The following SPATA1 variants were observed in gnomAD, a reference collection of about 807,000 sequenced individuals.
The protein encoded by SPATA1 is spermatogenesis-associated protein 1.
In SPATA1, 57 loss-of-function variants were observed where a neutral mutation model predicts 59.6. That is an observed-to-expected ratio of 0.96 (90% CI 0.77 to 1.19). SPATA1 has a LOEUF of 1.19. Ranked by LOEUF, SPATA1 falls within the 50% of genes most tolerant of loss-of-function variation. The probability of loss-of-function intolerance (pLI) is 0.00; values close to 1 mark genes in which losing one functional copy is unlikely to be tolerated. For synonymous variants in SPATA1, 147 were observed against 163.9 expected, an observed-to-expected ratio of 0.90 and a Z score of 0.79; for missense variants, 448 against 480.7, an observed-to-expected ratio of 0.93 and a Z score of 0.64.
chr1:84,520,348 G>A, intron 2 of SPATA1: 1 of 387,528 alleles, frequency 2.6e-6, no homozygotes, highest in East Asian at 5.0e-5. Context: ...AAGATGTTGA[G>A]CTAATCTCAT....
At position 84,553,075 on chromosome 1, in the gene SPATA1, CTG is replaced by C. The variant is rs1558618819; in HGVS notation, c.1266_1267del (p.Glu423ThrfsTer20). 2.0e-6 allele frequency: 3 copies of C among 1,528,754 alleles called. No homozygotes were observed. The highest frequency in any genetic ancestry group is 2.8e-5 in the African/African-American group (2 of 71,436). The allele number at this position is 1,528,754 out of a possible 1,614,324, so 94.7% of individuals were successfully genotyped here. A position where few individuals can be genotyped will look rare whatever the true frequency, so the allele number is the denominator to read the frequency against. On this transcript the variant is annotated frameshift_variant, in exon 13 of 13. Coordinates refer to ENST00000490879, the Ensembl canonical transcript of SPATA1. LOFTEE classifies it low-confidence loss of function (END_TRUNC). Reference sequence around the variant, plus strand: ...GTTTCAGATTTACGAACATTGAAAACTGAACTGGCACAGAAAAAAAAAATAAT... The same window carrying C: ...GTTTCAGATTTACGAACATTGAAAACAACTGGCACAGAAAAAAAAAATAAT...
intron 6 of SPATA1, among the ~76,000 whole-genome samples, chr1:84,526,772 G>T (rs1490212032): frequency 6.6e-6 from 1 of 150,648 alleles, no homozygotes; most frequent in East Asian, 2.0e-4. Context: ...GGAGACTGAA[G>T]CAGGAGGATT....
rs758634923 is a variant in SPATA1, at chr1:84,563,279, C to T, written n.443-2582C>T. The T allele has an allele frequency of 2.0e-5, 32 of 1,563,488 alleles. No individual in the cohort carries two copies. In the Middle Eastern group the frequency reaches 5.6e-4, roughly 27 times the overall value. On this transcript the variant is annotated intron_variant and non_coding_transcript_variant, in intron 4 of 4. Coordinates refer to the SPATA1 transcript ENST00000460286. ...TACTTTATAGTTATAATAAGGAGCC[C>T]GCTGATCTTTATCCCATAGGTTTCC...
At chr1:84,555,095 C>A, downstream of SPATA1, 1 of 1,613,904 alleles carries the variant, frequency 6.2e-7, no homozygotes, top group African/African-American at 1.3e-5. Context: ...AGTTTGCATT[C>A]CACATGCCAA....
intron 1 of SPATA1, among the ~76,000 whole-genome samples, chr1:84,509,295 A>G (rs1682430331): frequency 6.6e-6 from 1 of 152,148 alleles, no homozygotes; most frequent in African/African-American, 2.4e-5. Flanking sequence ...TTTTTTACGA[A>G]GGTGCCAAGA....
chr1:84,545,895 G>C (rs564936804), intron 10 of SPATA1, 136 bp downstream of exon 10: 2 of 564,894 alleles, frequency 3.5e-6, no homozygotes, highest in East Asian at 7.8e-5. Flanking sequence ...ACATGATTAA[G>C]TTCAATATAG....
intron 1 of SPATA1, among the ~76,000 whole-genome samples, chr1:84,512,415 T>C (rs761302403): frequency 4.6e-5 from 7 of 152,248 alleles, no homozygotes; most frequent in Non-Finnish European, 7.3e-5. Flanking sequence ...GATTACCTTG[T>C]GTGAGATTCT....
chr1:84,535,195 A>AT (rs963249501), intron 8 of SPATA1, among the ~76,000 whole-genome samples: 6 of 152,068 alleles, frequency 3.9e-5, no homozygotes, highest in African/African-American at 9.6e-5. Flanking sequence ...CTGCTCAATG[A>AT]TTTTTTTTAA....
At chr1:84,525,907 A>G (rs1167286639) in exon 6 of SPATA1, 1 of 1,613,798 alleles carries the variant, frequency 6.2e-7, no homozygotes, top group Non-Finnish European at 8.5e-7. Flanking sequence ...TTTATTCACC[A>G]TCAACAGTTA....
chr1:84,516,430 G>T, intron 2 of SPATA1, 35 bp downstream of exon 2: 1 of 1,258,488 alleles, frequency 7.9e-7, no homozygotes, highest in East Asian at 2.8e-5. Flanking sequence ...ATATAAGAAA[G>T]ACCTGCTTAT....
In SPATA1 at chr1:84,550,532, T is replaced by C. The variant is rs1684238848; in HGVS notation, c.1224+2T>C. The C allele has an allele frequency of 6.6e-7, 1 of 1,519,530 alleles. No individual in the cohort carries two copies. The highest frequency in any genetic ancestry group is 8.8e-7 in the Non-Finnish European group (1 of 1,131,894). The allele number at this position is 1,519,530 out of a possible 1,614,324, so 94.1% of individuals were successfully genotyped here. ...ATGAAACTCATAGTAGAAGTTAAGG[T>C]AATTTACATTTTTCCTAATCAGATT... On this transcript the variant is annotated splice_donor_variant, in intron 12 of 12. Transcript: ENST00000490879. LOFTEE classifies it high-confidence loss of function.
intron 1 of SPATA1, among the ~76,000 whole-genome samples, chr1:84,508,699 C>T (rs956809702): frequency 6.6e-6 from 1 of 152,194 alleles, no homozygotes; most frequent in African/African-American, 2.4e-5. Context: ...GTACTTTGTA[C>T]TTTAACTAAA....
At chr1:84,549,587 T>A (rs912025306) in intron 11 of SPATA1, 4 of 152,052 alleles carry the variant, frequency 2.6e-5, no homozygotes, top group African/African-American at 9.7e-5. Flanking sequence ...TTTGATCAGT[T>A]CTTTTTTTTG....
chr1:84,563,318 T>C (rs928283673), intron 4 of SPATA1: 1 of 1,598,690 alleles, frequency 6.3e-7, no homozygotes, highest in African/African-American at 1.4e-5. Context: ...AATAGAACTA[T>C]TTATTTGCTT....
At chr1:84,533,421 C>T (rs1289430384) in intron 7 of SPATA1, among the ~76,000 whole-genome samples, 2 of 151,846 alleles carry the variant, frequency 1.3e-5, no homozygotes, top group East Asian at 1.9e-4. Context: ...CACAAAAGAA[C>T]AATAAACAAA....
downstream of SPATA1, among the ~76,000 whole-genome samples, chr1:84,566,376 C>T (rs538001192): frequency 6.6e-6 from 1 of 152,216 alleles, no homozygotes; most frequent in African/African-American, 2.4e-5. Flanking sequence ...AGAGTAAAGG[C>T]ACACTAAAAG....
chr1:84,512,423 T>A (rs1682607209), intron 1 of SPATA1, among the ~76,000 whole-genome samples: 1 of 152,248 alleles, frequency 6.6e-6, no homozygotes, highest in African/African-American at 2.4e-5. Context: ...TGTGTGAGAT[T>A]CTACTTTATT....
At chr1:84,564,232 T>A (rs1684646665) in intron 4 of SPATA1, among the ~76,000 whole-genome samples, 1 of 152,034 alleles carries the variant, frequency 6.6e-6, no homozygotes, top group Admixed American at 6.6e-5. Flanking sequence ...GGTCTCAGAG[T>A]TTCTTAGAAA....
chr1:84,563,929 A>G, intron 4 of SPATA1: 1 of 1,346,400 alleles, frequency 7.4e-7, no homozygotes, highest in Non-Finnish European at 9.7e-7. Flanking sequence ...TTGTAAAAAC[A>G]AGTACATTTA....
Sources: allele counts gnomAD v4.1 joint callset (sites outside exome capture counted in the v4.1 genomes callset), GRCh38; gene constraint gnomAD v4.1.1; transcripts MANE v1.5; gene names NCBI Gene and HGNC (gene_info 2026-07-23, HGNC 2026-07-21).